Variants in IQSEC1 observed in about 807,000 individuals in gnomAD.
The protein encoded by IQSEC1 is IQ motif and SEC7 domain-containing protein 1.
Under a neutral mutation model 91.0 loss-of-function variants are expected in IQSEC1, and 31 were observed. The observed-to-expected ratio is 0.34, with a 90% CI of 0.26 to 0.46. The LOEUF is 0.46. Ranked by LOEUF, IQSEC1 falls within the 20% of genes least tolerant of loss-of-function variation. The pLI is 1.00. For synonymous variants in IQSEC1, 699 were observed against 662.6 expected (o/e 1.05, Z -0.84); for missense variants, 1,388 against 1,575.6 (o/e 0.88, Z 2.02).
chr3:13,042,841 T>C (rs1704334864), intron 1 of IQSEC1, among the ~76,000 whole-genome samples: 2 of 151,918 alleles, frequency 1.3e-5, no homozygotes, highest in South Asian at 4.1e-4. Context: ...TGGCCCAGAG[T>C]GGCTGAGGCC....
intron 2 of IQSEC1, among the ~76,000 whole-genome samples, chr3:13,114,173 A>T (rs1706297446): frequency 6.6e-6 from 1 of 152,196 alleles, no homozygotes; most frequent in African/African-American, 2.4e-5. Flanking sequence ...GGCTTGAATG[A>T]GTCTGAAGGA....
chr3:13,265,630 C>T lies in IQSEC1; in HGVS notation c.272+17081G>A, dbSNP rs1695475494. 2.6e-5 allele frequency among the ~76,000 whole-genome samples: 4 copies of T among 152,280 alleles called. No homozygotes were observed. The South Asian group carries it at 8.3e-4, about 32-fold the overall frequency. On this transcript the variant is annotated intron_variant, in intron 1 of 15. Transcript: ENST00000648114. Reference sequence around the variant, plus strand: ...CAGGTTACAGGCTTCTGCAAGCTCACAGCCCCCTCATCCCTCTGGTGCAGC... The same window carrying T: ...CAGGTTACAGGCTTCTGCAAGCTCATAGCCCCCTCATCCCTCTGGTGCAGC...
At chr3:13,151,124 C>T (rs1394224193) in intron 2 of IQSEC1, among the ~76,000 whole-genome samples, 1 of 152,204 alleles carries the variant, frequency 6.6e-6, no homozygotes, top group Non-Finnish European at 1.5e-5. Context: ...CACTTCCCTT[C>T]CCACGCTGGA....
chr3:13,274,349 C>T (rs1695640186), intron 1 of IQSEC1, among the ~76,000 whole-genome samples: 1 of 152,258 alleles, frequency 6.6e-6, no homozygotes, highest in African/African-American at 2.4e-5. Flanking sequence ...CTACAAGTGA[C>T]TTGCAAGGAC....
At chr3:13,264,198 A>G (rs1695443452) in intron 1 of IQSEC1, among the ~76,000 whole-genome samples, 1 of 152,236 alleles carries the variant, frequency 6.6e-6, no homozygotes, top group African/African-American at 2.4e-5. Context: ...GTGTTCTCCC[A>G]GCCTCCAGTT....
At chr3:13,085,876 C>T (rs961402333) in intron 2 of IQSEC1, among the ~76,000 whole-genome samples, 2 of 152,242 alleles carry the variant, frequency 1.3e-5, no homozygotes, top group Non-Finnish European at 2.9e-5. Flanking sequence ...AGTGTCTTCA[C>T]CTCTCTCTTC....
intron 2 of IQSEC1, among the ~76,000 whole-genome samples, chr3:13,145,458 G>T (rs1706873462): frequency 6.6e-6 from 1 of 152,054 alleles, no homozygotes; most frequent in Non-Finnish European, 1.5e-5. Context: ...CTTCTTTTTG[G>T]CCACTTCTTT....
At chr3:12,988,980 G>A (rs114733012) in intron 1 of IQSEC1, among the ~76,000 whole-genome samples, 2,178 of 152,320 alleles carry the variant, frequency 0.014, 27 homozygotes, top group African/African-American at 0.032. Flanking sequence ...GCCCAACGAT[G>A]CAAAGCAAGT....
intron 1 of IQSEC1, among the ~76,000 whole-genome samples, chr3:12,985,112 C>T (rs360744): frequency 0.81 from 123,492 of 152,132 alleles, 50,364 homozygotes; most frequent in East Asian, 0.96. Flanking sequence ...GCGTGAGCCA[C>T]CGCGCCCAGC....
intron 1 of IQSEC1, among the ~76,000 whole-genome samples, chr3:13,173,146 A>G (rs1243222832): frequency 6.6e-6 from 1 of 152,244 alleles, no homozygotes; most frequent in Non-Finnish European, 1.5e-5. Flanking sequence ...GAAACCTCCA[A>G]GGACTTTAGG....
intron 1 of IQSEC1, among the ~76,000 whole-genome samples, chr3:13,061,292 C>T (rs1471458767): frequency 6.6e-6 from 1 of 152,194 alleles, no homozygotes; most frequent in Non-Finnish European, 1.5e-5. Context: ...AGGGTTTCCC[C>T]TCCTTGAGAT....
At chr3:13,007,676 G>C (rs1702696760) in intron 1 of IQSEC1, among the ~76,000 whole-genome samples, 1 of 152,202 alleles carries the variant, frequency 6.6e-6, no homozygotes, top group Non-Finnish European at 1.5e-5. Context: ...TTTCGCACTT[G>C]AAAAACATCC....
intron 1 of IQSEC1, among the ~76,000 whole-genome samples, chr3:13,180,949 C>A (rs1370572705): frequency 1.3e-5 from 2 of 152,200 alleles, no homozygotes; most frequent in East Asian, 3.8e-4. Context: ...GTCAGTGAGA[C>A]CAAGAACCCA....
At chr3:13,027,048 C>T (rs968583951) in intron 1 of IQSEC1, among the ~76,000 whole-genome samples, 1 of 152,122 alleles carries the variant, frequency 6.6e-6, no homozygotes, top group African/African-American at 2.4e-5. Flanking sequence ...CCAATGGTGC[C>T]CAGAGCCATG....
intron 12 of IQSEC1, among the ~76,000 whole-genome samples, chr3:12,907,795 A>G (rs1189497997): frequency 6.6e-6 from 1 of 152,138 alleles, no homozygotes; most frequent in African/African-American, 2.4e-5. Context: ...ACAACATCAC[A>G]GTTCCCACCA....
intron 1 of IQSEC1, among the ~76,000 whole-genome samples, chr3:12,962,487 G>T (rs1220158819): frequency 6.6e-6 from 1 of 152,218 alleles, no homozygotes; most frequent in African/African-American, 2.4e-5. Context: ...CCCAGCTGGG[G>T]ACTCGTTCCA....
intron 1 of IQSEC1, among the ~76,000 whole-genome samples, chr3:13,068,598 C>T (rs1705315205): frequency 6.6e-6 from 1 of 152,154 alleles, no homozygotes; most frequent in Admixed American, 6.5e-5. Context: ...CTCTTTACTC[C>T]AGGGCCTCCA....
At chr3:13,176,335 G>A (rs942534282) in intron 1 of IQSEC1, among the ~76,000 whole-genome samples, 3 of 152,136 alleles carry the variant, frequency 2.0e-5, no homozygotes, top group Admixed American at 6.5e-5. Context: ...CAGACGGTTC[G>A]GGGGTCTTTA....
intron 2 of IQSEC1, among the ~76,000 whole-genome samples, chr3:13,104,515 C>T (rs1367980294): frequency 6.6e-6 from 1 of 152,216 alleles, no homozygotes; most frequent in African/African-American, 2.4e-5. Flanking sequence ...TCCAGCCAGG[C>T]AAGTAGATTT....
Sources: allele counts gnomAD v4.1 joint callset (sites outside exome capture counted in the v4.1 genomes callset), GRCh38; gene constraint gnomAD v4.1.1; transcripts MANE v1.5; gene names NCBI Gene and HGNC (gene_info 2026-07-23, HGNC 2026-07-21).